Variants in SLC25A24 observed in about 807,000 individuals in gnomAD.
SLC25A24 encodes the protein mitochondrial adenyl nucleotide antiporter SLC25A24.
A neutral mutation model predicts 60.7 loss-of-function variants in SLC25A24; 49 were observed. The observed-to-expected ratio is 0.81, with a 90% CI of 0.64 to 1.02. SLC25A24 has a LOEUF of 1.02. Among genes scored for constraint, SLC25A24 ranks in the 50% least tolerant of loss-of-function variants. The probability of loss-of-function intolerance (pLI) is 0.00; values close to 1 mark genes in which losing one functional copy is unlikely to be tolerated. For synonymous variants in SLC25A24, 202 were observed against 200.6 expected (o/e 1.01, Z -0.06); for missense variants, 564 against 586.3 (o/e 0.96, Z 0.39).
chr1:108,175,681 C>A lies in SLC25A24; in HGVS notation c.398+6260G>T, dbSNP rs559987722. Among the ~76,000 whole-genome samples the A allele has an allele frequency of 5.9e-5, 9 of 151,878 alleles. No individual in the cohort carries two copies. In the South Asian group the frequency reaches 8.3e-4, roughly 14 times the overall value. The stretch of plus-strand genomic sequence containing the variant: ...CTCCAGATGGGATGACAGAGCAAGA[C>A]CCTTTCTCAAAAAAAAAATAAAAAT... On this transcript the variant is annotated intron_variant, in intron 3 of 9. Coordinates refer to ENST00000565488, the MANE Select transcript of SLC25A24 (RefSeq NM_013386.5).
chr1:108,187,988 T>C (rs1156473335), intron 1 of SLC25A24, among the ~76,000 whole-genome samples: 2 of 142,998 alleles, frequency 1.4e-5, no homozygotes, highest in Non-Finnish European at 3.1e-5. Context: ...ACCATATATA[T>C]GACAGTGATT....
rs1157586831 is a variant in SLC25A24 at position 108,192,878 on chromosome 1, G to A, written c.184-6924C>T. The A allele has an allele frequency of 5.2e-6, 4 of 773,374 alleles. 1 individual carries two copies. Among genetic ancestry groups the A allele is most frequent in the East Asian group, 1.6e-4 (2 of 12,734 alleles). 47.9% of individuals were successfully genotyped at this position (773,374 alleles called of 1,614,324 possible). On this transcript the variant is annotated intron_variant, in intron 1 of 9. Coordinates refer to ENST00000565488, the MANE Select transcript of SLC25A24 (RefSeq NM_013386.5). ...TGCGTGGGACCGCACTCTGGGCTGC[G>A]CTGGGAGACCGCGGAGTTCCTGCCT...
rs1647886564 is a variant in SLC25A24, at chr1:108,180,620, CTCT to C, written c.398+1318_398+1320del. Among the ~76,000 whole-genome samples the C allele has an allele frequency of 7.9e-4, 104 of 131,998 alleles. 4 individuals are homozygous for C. Among genetic ancestry groups the C allele is most frequent in the African/African-American group, 2.5e-3 (90 of 35,570 alleles). 86.6% of individuals were successfully genotyped at this position (131,998 alleles called of 152,430 possible). ...ATAATAGAAAGCAAGAGAAAGATCT[CTCT>C]CTCTCTCTCTCTCTCTCTCTCTCTC... On this transcript the variant is annotated intron_variant, in intron 3 of 9. Coordinates refer to ENST00000565488, the MANE Select transcript of SLC25A24 (RefSeq NM_013386.5).
intron 7 of SLC25A24, among the ~76,000 whole-genome samples, chr1:108,145,636 G>C (rs574675038): frequency 3.1e-4 from 47 of 152,158 alleles, no homozygotes; most frequent in African/African-American, 1.0e-3. Context: ...CATATGGCTA[G>C]CCAGTTTTCC....
chr1:108,158,499 A>C (rs1337552025), intron 4 of SLC25A24, among the ~76,000 whole-genome samples: 1 of 152,324 alleles, frequency 6.6e-6, no homozygotes, highest in Non-Finnish European at 1.5e-5. Context: ...ATAAAACTTC[A>C]CATAGTGTAC....
At chr1:108,160,299 C>T (rs979908181) in intron 4 of SLC25A24, among the ~76,000 whole-genome samples, 17 of 150,044 alleles carry the variant, frequency 1.1e-4, no homozygotes, top group South Asian at 6.4e-4. Context: ...CAGAGACGCT[C>T]CTCACTTCCT....
intron 3 of SLC25A24, among the ~76,000 whole-genome samples, chr1:108,164,811 T>C (rs1571294697): frequency 1.0e-5 from 1 of 97,450 alleles, no homozygotes; most frequent in Non-Finnish European, 2.1e-5. Flanking sequence ...GCTCTGATTT[T>C]AGTTATTTCT....
At chr1:108,199,272 G>A (rs1019934465) in intron 1 of SLC25A24, 1 of 152,190 alleles carries the variant, frequency 6.6e-6, no homozygotes, top group African/African-American at 2.4e-5. Context: ...CGCTTCAACA[G>A]GGTTGGAGAA....
chr1:108,143,592 T>A lies in SLC25A24; in HGVS notation c.1049A>T (p.Asn350Ile). The A allele has an allele frequency of 6.2e-7, 1 of 1,613,838 alleles. No homozygotes were observed. The highest frequency in any genetic ancestry group is 8.5e-7 in the Non-Finnish European group (1 of 1,179,792). ...TGCATAAGGTATGATACCTAATAAA[T>A]TGGGAACATAGCCTTTGTAAAAAGC... ...LGAFYKGYVP[N>I]LLGIIPYAGI... Residue 350 changes from asparagine (N) to isoleucine (I), a missense_variant, in exon 8 of 10, where the codon AAT becomes ATT. By Grantham distance (149) the Asn-to-Ile change is moderately radical. Coordinates refer to ENST00000565488, the MANE Select transcript of SLC25A24 (RefSeq NM_013386.5).
At chr1:108,179,900 T>C (rs2101635827) in intron 3 of SLC25A24, among the ~76,000 whole-genome samples, 1 of 152,278 alleles carries the variant, frequency 6.6e-6, no homozygotes, top group South Asian at 2.1e-4. Flanking sequence ...ATGAGATGTA[T>C]CATGTTAATT....
chr1:108,153,517 G>A (rs1420423695), intron 6 of SLC25A24, among the ~76,000 whole-genome samples: 1 of 152,202 alleles, frequency 6.6e-6, no homozygotes, highest in Admixed American at 6.5e-5. Context: ...GGGAGGAACT[G>A]GCTTTGATTG....
At chr1:108,161,148 TC>T (rs774791324) in intron 4 of SLC25A24, 33 bp downstream of exon 4, 1 of 1,185,236 alleles carries the variant, frequency 8.4e-7, no homozygotes, top group East Asian at 2.3e-5. Flanking sequence ...GGTTTATAGC[TC>T]CAAATAAGTA....
chr1:108,162,586 T>C (rs1442521863), intron 3 of SLC25A24, among the ~76,000 whole-genome samples: 4 of 152,136 alleles, frequency 2.6e-5, no homozygotes, highest in Admixed American at 6.5e-5. Flanking sequence ...GCTGCATAAA[T>C]GTCTTCTTTC....
At chr1:108,143,468 T>C in intron 8 of SLC25A24, 75 bp downstream of exon 8, 1 of 1,247,768 alleles carries the variant, frequency 8.0e-7, no homozygotes, top group Non-Finnish European at 1.1e-6. Context: ...GGTATATATC[T>C]ACTTCTTCAT....
intron 3 of SLC25A24, among the ~76,000 whole-genome samples, chr1:108,166,778 C>A (rs1680267226): frequency 2.0e-5 from 3 of 152,102 alleles, no homozygotes; most frequent in Admixed American, 2.0e-4. Context: ...TCGTCTGAAG[C>A]CTTCTCTCAG....
chr1:108,181,468 GTTCAAAT>G (rs934292135), intron 3 of SLC25A24, among the ~76,000 whole-genome samples: 2 of 152,124 alleles, frequency 1.3e-5, no homozygotes, highest in Non-Finnish European at 2.9e-5. Context: ...AGACAATAAG[GTTCAAAT>G]TTGCATTTCT....
At chr1:108,158,127 C>A (rs1358855990) in intron 4 of SLC25A24, among the ~76,000 whole-genome samples, 2 of 152,074 alleles carry the variant, frequency 1.3e-5, no homozygotes, top group Non-Finnish European at 2.9e-5. Flanking sequence ...TATGTGAATA[C>A]CCCTAAACTC....
intron 1 of SLC25A24, among the ~76,000 whole-genome samples, chr1:108,190,888 CT>C (rs1419189902): frequency 3.6e-5 from 5 of 138,416 alleles, no homozygotes; most frequent in African/African-American, 1.3e-4. Flanking sequence ...GGGGACACCC[CT>C]CCCTTGGGTT....
At chr1:108,174,940 A>G (rs146625218) in intron 3 of SLC25A24, among the ~76,000 whole-genome samples, 51 of 152,322 alleles carry the variant, frequency 3.3e-4, no homozygotes, top group African/African-American at 1.2e-3. Flanking sequence ...GTATCTAGGA[A>G]GTATAATAAC....
Sources: gnomAD v4.1 joint callset for allele counts (sites outside exome capture counted in the v4.1 genomes callset) on GRCh38, gnomAD v4.1.1 for gene constraint, MANE v1.5 for transcripts, NCBI Gene and HGNC (gene_info 2026-07-23, HGNC 2026-07-21) for gene names.